ITK: variants seen among roughly 807,000 people sequenced by gnomAD.
The protein encoded by ITK is IL2 inducible T cell kinase, also known as tyrosine-protein kinase ITK/TSK.
Under a neutral mutation model 87.6 loss-of-function variants are expected in ITK, and 45 were observed. The ratio of observed to expected loss-of-function variants is 0.51; its 90% CI spans 0.40 to 0.66. The LOEUF (loss-of-function observed/expected upper bound fraction) is 0.66. Among genes scored for constraint, ITK ranks in the 30% least tolerant of loss-of-function variants. The probability of loss-of-function intolerance (pLI) is 0.00; values close to 1 mark genes in which losing one functional copy is unlikely to be tolerated. For synonymous variants in ITK, 303 were observed against 273.6 expected (o/e 1.11, Z -1.06); for missense variants, 605 against 766.3 (o/e 0.79, Z 2.48).
In ITK at chr5:157,254,075, C is replaced by T. The variant is rs1182734250; in HGVS notation, c.*1397C>T. On this transcript the variant is annotated 3_prime_UTR_variant, in exon 17 of 17. Coordinates refer to ENST00000422843, the MANE Select transcript of ITK (RefSeq NM_005546.4). ...GTATTCTAGCCCAAATCTGTCTGAC[C>T]GCAATACACAGATTCTTTATTCCTA... 3 of 226,810 alleles carry T rather than the reference C, an allele frequency of 1.3e-5. No individual in the cohort carries two copies. Among genetic ancestry groups the T allele is most frequent in the Non-Finnish European group, 2.6e-5 (3 of 114,134 alleles). 14.0% of individuals were successfully genotyped at this position (226,810 alleles called of 1,614,324 possible). A position where few individuals can be genotyped will look rare whatever the true frequency, so the allele number is the denominator to read the frequency against.
At chr5:157,193,471 A>G (rs1412080745) in intron 1 of ITK, among the ~76,000 whole-genome samples, 1 of 152,232 alleles carries the variant, frequency 6.6e-6, no homozygotes, top group Admixed American at 6.5e-5. Context: ...CCAATATTTA[A>G]TGAGTTCTCG....
At chr5:157,227,976 A>G (rs71591324) in intron 6 of ITK, among the ~76,000 whole-genome samples, 2,481 of 151,776 alleles carry the variant, frequency 0.016, 27 homozygotes, top group Non-Finnish European at 0.027. Flanking sequence ...GACTACAGGC[A>G]TGTACCACCA....
intron 1 of ITK, among the ~76,000 whole-genome samples, chr5:157,191,326 G>A (rs1357335906): frequency 1.3e-5 from 2 of 151,968 alleles, no homozygotes; most frequent in East Asian, 1.9e-4. Context: ...AGTGCCTGGT[G>A]TATAACCTGC....
chr5:157,218,597 A>G (rs1754349061), intron 5 of ITK, among the ~76,000 whole-genome samples: 1 of 152,106 alleles, frequency 6.6e-6, no homozygotes, highest in Non-Finnish European at 1.5e-5. Flanking sequence ...TATATTTCAA[A>G]GCACTTCCAC....
chr5:157,227,759 A>G (rs1754561400), intron 6 of ITK, among the ~76,000 whole-genome samples: 1 of 150,124 alleles, frequency 6.7e-6, no homozygotes, highest in African/African-American at 2.5e-5. Context: ...ATTATGTTTC[A>G]TATTTCAGTA....
chr5:157,206,601 T>C (rs911907068), intron 1 of ITK, among the ~76,000 whole-genome samples: 17 of 152,202 alleles, frequency 1.1e-4, no homozygotes, highest in Admixed American at 5.9e-4. Flanking sequence ...AATTTCCTCC[T>C]GGTTCAGTCT....
At position 157,228,305 on chromosome 5, in the gene ITK, A is replaced by G. The variant is rs1431581416; in HGVS notation, c.657A>G (p.Gly219=). ...ATTTTCCTTTTAACAGGCATGAAGG[A>G]TATGTACCAAGCAGTTATCTGGTGG... ...WRVQDRNGHE[G]YVPSSYLVEK... The change falls in exon 7 of 17, where the codon GGA becomes GGG. Residue 219 remains glycine (G), a synonymous_variant. Coordinates refer to ENST00000422843, the MANE Select transcript of ITK (RefSeq NM_005546.4). 1 of 1,594,926 alleles carries G rather than the reference A, an allele frequency of 6.3e-7. No homozygotes were observed. The highest frequency in any genetic ancestry group is 1.7e-5 in the Admixed American group (1 of 60,000).
At chr5:157,240,626 T>C in intron 10 of ITK, 1 of 211,920 alleles carries the variant, frequency 4.7e-6, no homozygotes, top group East Asian at 1.2e-4. Flanking sequence ...GGAAGCATGG[T>C]GCCGGCATCT....
chr5:157,198,904 G>A (rs962545719), intron 1 of ITK, among the ~76,000 whole-genome samples: 1 of 151,906 alleles, frequency 6.6e-6, no homozygotes, highest in Non-Finnish European at 1.5e-5. Flanking sequence ...CTGGTACTAC[G>A]GGCATGTGCC....
intron 15 of ITK, 45 bp from the exon 16 acceptor site, chr5:157,248,805 T>C: frequency 1.2e-6 from 2 of 1,612,962 alleles, no homozygotes; most frequent in Non-Finnish European, 1.7e-6. Context: ...GTTTGCTGTC[T>C]GTGGGCTTTG....
chr5:157,238,832 C>G (rs1168256805), intron 9 of ITK, among the ~76,000 whole-genome samples: 1 of 152,228 alleles, frequency 6.6e-6, no homozygotes, highest in Non-Finnish European at 1.5e-5. Context: ...AAGAACCTAT[C>G]TAGGTCTCAA....
chr5:157,251,076 C>G (rs1755131452), intron 16 of ITK, among the ~76,000 whole-genome samples: 1 of 152,126 alleles, frequency 6.6e-6, no homozygotes, highest in South Asian at 2.1e-4. Flanking sequence ...TATGGTAAGA[C>G]TATGTTTAAC....
chr5:157,208,491 C>T (rs767083936), intron 1 of ITK, among the ~76,000 whole-genome samples: 1 of 152,086 alleles, frequency 6.6e-6, no homozygotes, highest in Non-Finnish European at 1.5e-5. Flanking sequence ...CAATCCAGGT[C>T]GGGTCCGAGC....
At chr5:157,227,734 G>A (rs1053353873) in intron 6 of ITK, among the ~76,000 whole-genome samples, 4 of 150,262 alleles carry the variant, frequency 2.7e-5, no homozygotes, top group South Asian at 2.1e-4. Context: ...AAGTAAAATC[G>A]CCACTTCTTT....
intron 4 of ITK, among the ~76,000 whole-genome samples, chr5:157,216,328 T>C (rs1172136927): frequency 6.6e-6 from 1 of 152,144 alleles, no homozygotes; most frequent in African/African-American, 2.4e-5. Context: ...TAAGAGCATT[T>C]TCTCACCTGC....
In ITK at chr5:157,254,153, A is replaced by C. The variant is rs1755206016; in HGVS notation, c.*1475A>C. Reference sequence around the variant, plus strand: ...AACGGATTGCAGAGGGAATAAATACAAAGATGGAAAGCCAGTAAAGAAGTC... The same window carrying C: ...AACGGATTGCAGAGGGAATAAATACCAAGATGGAAAGCCAGTAAAGAAGTC... On this transcript the variant is annotated 3_prime_UTR_variant, in exon 17 of 17. Transcript: ENST00000422843. 8.7e-6 allele frequency: 2 copies of C among 229,030 alleles called. No homozygotes were observed. The highest frequency in any genetic ancestry group is 1.7e-5 in the Non-Finnish European group (2 of 115,500). The allele number at this position is 229,030 out of a possible 1,614,324, so 14.2% of individuals were successfully genotyped here.
intron 1 of ITK, among the ~76,000 whole-genome samples, chr5:157,194,897 G>A (rs1372826107): frequency 1.3e-5 from 2 of 152,138 alleles, no homozygotes; most frequent in South Asian, 2.1e-4. Context: ...ACTGAAGCCT[G>A]GGAGCACTGA....
intron 10 of ITK, 54 bp from the exon 11 acceptor site, chr5:157,241,592 T>G (rs1754899770): frequency 8.4e-7 from 1 of 1,189,150 alleles, no homozygotes; most frequent in Non-Finnish European, 1.3e-6. Context: ...TTAAGTTAGA[T>G]GGTTGCTAGA....
intron 8 of ITK, among the ~76,000 whole-genome samples, chr5:157,236,140 G>A (rs959644526): frequency 1.3e-5 from 2 of 152,134 alleles, no homozygotes; most frequent in African/African-American, 2.4e-5. Context: ...TTGGGAGGCC[G>A]AGGCAGGCGG....
Sources: gnomAD v4.1 joint callset for allele counts (sites outside exome capture counted in the v4.1 genomes callset) on GRCh38, gnomAD v4.1.1 for gene constraint, MANE v1.5 for transcripts, NCBI Gene and HGNC (gene_info 2026-07-23, HGNC 2026-07-21) for gene names.